USH2A: variants seen among roughly 807,000 people sequenced by gnomAD.
USH2A encodes the protein usherin.
In USH2A, 443 loss-of-function variants were observed where a neutral mutation model predicts 538.9. The observed-to-expected ratio is 0.82, with a 90% CI of 0.76 to 0.89. USH2A has a LOEUF of 0.89. Among genes scored for constraint, USH2A ranks in the 40% least tolerant of loss-of-function variants. The probability of loss-of-function intolerance (pLI) is 0.00; values close to 1 mark genes in which losing one functional copy is unlikely to be tolerated. For synonymous variants in USH2A, 2,413 were observed against 2,273.5 expected, an observed-to-expected ratio of 1.06 and a Z score of -1.75; for missense variants, 6,633 against 6,324.8, an observed-to-expected ratio of 1.05 and a Z score of -1.65.
Position 215,900,605 on chromosome 1 carries a change from C to T in USH2A, c.7451+150G>A, listed in dbSNP as rs891005300. On this transcript the variant is annotated intron_variant, in intron 39 of 71. Coordinates refer to ENST00000307340, the MANE Select transcript of USH2A (RefSeq NM_206933.4). ...ATGAAAAATAGATATTTTTGCAAAG[C>T]AAATGATTATCCTCTAATTGTTTGG... is the stretch of plus-strand genomic sequence containing the variant. The T allele has an allele frequency of 2.8e-6, 3 of 1,074,130 alleles. No individual in the cohort carries two copies. In the African/African-American group the frequency reaches 4.8e-5, roughly 17 times the overall value. 66.5% of individuals were successfully genotyped at this position (1,074,130 alleles called of 1,614,324 possible). A position where few individuals can be genotyped will look rare whatever the true frequency, so the allele number is the denominator to read the frequency against.
chr1:215,937,575 G>T (rs1666536248), intron 37 of USH2A, among the ~76,000 whole-genome samples: 1 of 152,074 alleles, frequency 6.6e-6, no homozygotes, highest in African/African-American at 2.4e-5. Flanking sequence ...TACATGGTCA[G>T]CATGGGGAGA....
intron 61 of USH2A, among the ~76,000 whole-genome samples, chr1:215,700,717 G>C (rs1471681423): frequency 6.6e-6 from 1 of 151,944 alleles, no homozygotes; most frequent in Admixed American, 6.6e-5. Flanking sequence ...TATTAGTCTA[G>C]CTAGCAGTCT....
rs74362402 is a variant in USH2A at position 215,630,887 on chromosome 1, G to A, written c.15298-1852C>T. On this transcript the variant is annotated intron_variant, in intron 70 of 71. Transcript: ENST00000307340. ...ATTAAAAAAAAAAAAACCTTGGTGAGTGGAAATTAATTGATTAGTGTCTAA... is the reference window on the plus strand; with the variant it reads ...ATTAAAAAAAAAAAAACCTTGGTGAATGGAAATTAATTGATTAGTGTCTAA... 6.0e-3 allele frequency among the ~76,000 whole-genome samples: 908 copies of A among 151,598 alleles called. 21 individuals carry two copies. The South Asian group carries it at 0.071, about 12-fold the overall frequency.
intron 16 of USH2A, among the ~76,000 whole-genome samples, chr1:216,206,778 C>A (rs2035121561): frequency 6.6e-6 from 1 of 152,174 alleles, no homozygotes; most frequent in Admixed American, 6.5e-5. Context: ...CATTGTTGAA[C>A]ATCTGAATCA....
chr1:215,799,454 G>A (rs925303207), intron 49 of USH2A, among the ~76,000 whole-genome samples: 6 of 152,166 alleles, frequency 3.9e-5, no homozygotes, highest in African/African-American at 7.2e-5. Flanking sequence ...CTTTTGGAAC[G>A]TAGAGTGGAT....
At chr1:216,294,302 A>G (rs1372437225) in intron 9 of USH2A, among the ~76,000 whole-genome samples, 1 of 152,132 alleles carries the variant, frequency 6.6e-6, no homozygotes, top group Non-Finnish European at 1.5e-5. Context: ...TGACTAGCAA[A>G]TGATAAGTCA....
intron 47 of USH2A, among the ~76,000 whole-genome samples, chr1:215,833,919 A>G (rs1663400730): frequency 6.6e-6 from 1 of 152,132 alleles, no homozygotes; most frequent in Admixed American, 6.6e-5. Context: ...GAGTAAACAA[A>G]TGCCAAAGTG....
At chr1:215,635,258 G>A (rs1478494378) in intron 69 of USH2A, among the ~76,000 whole-genome samples, 1 of 152,124 alleles carries the variant, frequency 6.6e-6, no homozygotes, top group African/African-American at 2.4e-5. Flanking sequence ...GCCTGTGTTT[G>A]CTACCATGTT....
In USH2A at chr1:215,766,694, C is replaced by T. The variant is rs758451890; in HGVS notation, c.11034G>A (p.Gln3678=). 5.6e-6 allele frequency: 9 copies of T among 1,613,544 alleles called. No homozygotes were observed. The highest frequency in any genetic ancestry group is 6.8e-6 in the Non-Finnish European group (8 of 1,179,534). Reference sequence around the variant, plus strand: ...TTGTTTCATTACCTTCAGGAGCTGCCTGCAGTGTCTGACCTAGAAAAGGCT... The same window carrying T: ...TTGTTTCATTACCTTCAGGAGCTGCTTGCAGTGTCTGACCTAGAAAAGGCT... The part of the protein sequence containing the change: ...SSEPFLGQTL[Q]AAPEGVWVTP... Residue 3678 remains glutamine (Q), a synonymous_variant, in exon 56 of 72, where the codon CAG becomes CAA. Transcript: ENST00000307340.
intron 3 of USH2A, among the ~76,000 whole-genome samples, chr1:216,399,370 G>T (rs1449351734): frequency 6.6e-6 from 1 of 152,134 alleles, no homozygotes; most frequent in Non-Finnish European, 1.5e-5. Flanking sequence ...CTCACTAAGT[G>T]AGCAGGGCCT....
intron 61 of USH2A, among the ~76,000 whole-genome samples, chr1:215,698,533 G>T (rs901215015): frequency 6.6e-6 from 1 of 152,152 alleles, no homozygotes; most frequent in Non-Finnish European, 1.5e-5. Flanking sequence ...GTGTGAGATG[G>T]TATCTCATTG....
intron 9 of USH2A, among the ~76,000 whole-genome samples, chr1:216,293,355 G>A (rs973461526): frequency 3.9e-5 from 6 of 152,108 alleles, no homozygotes; most frequent in African/African-American, 1.2e-4. Flanking sequence ...GAATTGTCAC[G>A]CTCCTTTCTA....
At chr1:216,010,449 T>G (rs1214633464) in intron 32 of USH2A, among the ~76,000 whole-genome samples, 1 of 151,788 alleles carries the variant, frequency 6.6e-6, no homozygotes, top group Non-Finnish European at 1.5e-5. Context: ...GACTGACCCC[T>G]TCTCGGCTTA....
intron 15 of USH2A, among the ~76,000 whole-genome samples, chr1:216,215,354 A>G (rs2035323013): frequency 6.6e-6 from 1 of 152,148 alleles, no homozygotes; most frequent in Non-Finnish European, 1.5e-5. Flanking sequence ...CTGTGTCAGC[A>G]ATAGATAGCA....
intron 38 of USH2A, among the ~76,000 whole-genome samples, chr1:215,902,217 C>T (rs1298834277): frequency 6.6e-6 from 1 of 152,064 alleles, no homozygotes; most frequent in Non-Finnish European, 1.5e-5. Flanking sequence ...TATCAGGGTC[C>T]ATTTTCAACT....
intron 61 of USH2A, 27 bp from the exon 62 acceptor site, chr1:215,680,403 GTTGT>G (rs1181656555): frequency 2.2e-5 from 33 of 1,478,840 alleles, no homozygotes; most frequent in Admixed American, 8.5e-5. Flanking sequence ...AGGTTAAGTT[GTTGT>G]TTTTTTTTTT....
chr1:215,674,277 G>C lies in USH2A; in HGVS notation c.13634C>G (p.Pro4545Arg), dbSNP rs1328417051. 6.2e-7 allele frequency: 1 copy of C among 1,614,100 alleles called. No homozygotes were observed. The highest frequency in any genetic ancestry group is 8.5e-7 in the Non-Finnish European group (1 of 1,180,018). Residue 4545 changes from proline (P) to arginine (R), a missense_variant, in exon 63 of 72, where the codon CCT becomes CGT. By Grantham distance (103) the Pro-to-Arg change is moderately radical. Coordinates refer to ENST00000307340, the MANE Select transcript of USH2A (RefSeq NM_206933.4). ...GTCCCAGTTCACTAAGATCTCCTGAGGACCCCTGGCCTGCAATTTTGGAGG... is the reference window on the plus strand; with the variant it reads ...GTCCCAGTTCACTAAGATCTCCTGACGACCCCTGGCCTGCAATTTTGGAGG... Reference protein sequence around the residue: ...MEPPKLQARGPQEILVNWDPP... With the variant: ...MEPPKLQARGRQEILVNWDPP...
chr1:216,245,757 T>C lies in USH2A; in HGVS notation c.2809+828A>G, dbSNP rs1366236159. 2.0e-5 allele frequency among the ~76,000 whole-genome samples: 3 copies of C among 152,310 alleles called. No individual in the cohort carries two copies. The East Asian group carries it at 5.8e-4, about 29-fold the overall frequency. Reference sequence around the variant, plus strand: ...AAGGAAAAGCATGGCCCAATTATCCTAGGCTGGATTCTTTGCTATGTTAAC... The same window carrying C: ...AAGGAAAAGCATGGCCCAATTATCCCAGGCTGGATTCTTTGCTATGTTAAC... On this transcript the variant is annotated intron_variant, in intron 13 of 71. Coordinates refer to ENST00000307340, the MANE Select transcript of USH2A (RefSeq NM_206933.4).
At chr1:216,014,365 C>T (rs890575269) in intron 32 of USH2A, among the ~76,000 whole-genome samples, 2 of 152,040 alleles carry the variant, frequency 1.3e-5, no homozygotes, top group Non-Finnish European at 2.9e-5. Flanking sequence ...GAGAGTGAAG[C>T]CATAAACAAA....
Sources: allele counts gnomAD v4.1 joint callset (sites outside exome capture counted in the v4.1 genomes callset), GRCh38; gene constraint gnomAD v4.1.1; transcripts MANE v1.5; gene names NCBI Gene and HGNC (gene_info 2026-07-23, HGNC 2026-07-21).